The following PTCSC3 variants were observed in gnomAD, a reference collection of about 807,000 sequenced individuals.
PTCSC3 encodes the protein papillary thyroid carcinoma susceptibility candidate 3 (non-protein coding).
chr14:36,160,457 A>G (rs886511468), intron 2 of PTCSC3, among the ~76,000 whole-genome samples: 12 of 152,190 alleles, frequency 7.9e-5, no homozygotes, highest in Non-Finnish European at 1.6e-4. Flanking sequence ...GCTTGTCTGT[A>G]AAGGATTTTA....
intron 2 of PTCSC3, among the ~76,000 whole-genome samples, chr14:36,162,222 C>G (rs12888631): frequency 7.3e-6 from 1 of 137,248 alleles, no homozygotes; most frequent in African/African-American, 2.9e-5. Context: ...GTGAACAGTT[C>G]TGTCTCACTG....
At chr14:36,143,385 G>C (rs1881472755) in intron 3 of PTCSC3, among the ~76,000 whole-genome samples, 3 of 113,424 alleles carry the variant, frequency 2.6e-5, no homozygotes, top group Non-Finnish European at 3.7e-5. Context: ...TTGTGGTTTT[G>C]ATTTGCATTT....
At chr14:36,172,758 C>T (rs532209118) in intron 1 of PTCSC3, among the ~76,000 whole-genome samples, 6 of 152,172 alleles carry the variant, frequency 3.9e-5, no homozygotes, top group African/African-American at 1.4e-4. Flanking sequence ...CAGTCTCCTC[C>T]TCACTCTCCC....
intron 3 of PTCSC3, among the ~76,000 whole-genome samples, chr14:36,145,874 T>C (rs200950338): frequency 3.4e-5 from 4 of 118,216 alleles, no homozygotes; most frequent in Non-Finnish European, 7.3e-5. Flanking sequence ...TTTGTTCTCG[T>C]TGGTTTCAAA....
chr14:36,161,364 A>G (rs1368121851), intron 2 of PTCSC3, among the ~76,000 whole-genome samples: 1 of 151,966 alleles, frequency 6.6e-6, no homozygotes, highest in African/African-American at 2.4e-5. Context: ...GGATTTATCT[A>G]CCTTTGGTCT....
chr14:36,139,137 A>G (rs1414955801), intron 3 of PTCSC3, among the ~76,000 whole-genome samples: 7 of 150,062 alleles, frequency 4.7e-5, no homozygotes, highest in Non-Finnish European at 8.8e-5. Context: ...AAAAAAAAAA[A>G]AAAGAAATGC....
chr14:36,152,680 G>A (rs1367069578), intron 3 of PTCSC3, among the ~76,000 whole-genome samples: 1 of 152,094 alleles, frequency 6.6e-6, no homozygotes, highest in Non-Finnish European at 1.5e-5. Context: ...ATCACCTGAA[G>A]TTCAGGAGTT....
At chr14:36,163,699 T>A (rs960515491) in intron 1 of PTCSC3, among the ~76,000 whole-genome samples, 2 of 152,216 alleles carry the variant, frequency 1.3e-5, no homozygotes, top group African/African-American at 4.8e-5. Flanking sequence ...TATAAGGTCA[T>A]TTTAGTCCTA....
chr14:36,150,305 A>G (rs1881691970), intron 3 of PTCSC3, among the ~76,000 whole-genome samples: 2 of 152,126 alleles, frequency 1.3e-5, no homozygotes, highest in African/African-American at 4.8e-5. Context: ...TGCCTTTATA[A>G]AGAGGCCCAA....
At chr14:36,156,043 C>A (rs1881818282) in intron 2 of PTCSC3, among the ~76,000 whole-genome samples, 1 of 152,200 alleles carries the variant, frequency 6.6e-6, no homozygotes, top group African/African-American at 2.4e-5. Flanking sequence ...CCCCTCATGA[C>A]AGTACCAACT....
At chr14:36,146,725 T>C (rs1332200329) in intron 3 of PTCSC3, among the ~76,000 whole-genome samples, 5 of 152,210 alleles carry the variant, frequency 3.3e-5, no homozygotes, top group African/African-American at 4.8e-5. Context: ...CTGGTTACTT[T>C]GCTCGTTAGT....
chr14:36,156,097 T>C (rs1216962593), intron 2 of PTCSC3, among the ~76,000 whole-genome samples: 1 of 152,216 alleles, frequency 6.6e-6, no homozygotes, highest in Non-Finnish European at 1.5e-5. Flanking sequence ...AACTGGTTTT[T>C]CTAGCTTTTG....
At chr14:36,137,567 CATA>C (rs1167936447) in intron 3 of PTCSC3, among the ~76,000 whole-genome samples, 2 of 152,054 alleles carry the variant, frequency 1.3e-5, no homozygotes, top group African/African-American at 4.8e-5. Context: ...GTAGGAATAG[CATA>C]ATGAGAAATG....
chr14:36,175,331 G>A (rs11623884), intron 1 of PTCSC3, among the ~76,000 whole-genome samples: 5,622 of 152,166 alleles, frequency 0.037, 191 homozygotes, highest in Admixed American at 0.11. Context: ...GCCTGAAATC[G>A]GATGCTTCAC....
chr14:36,167,899 T>G (rs922154021), intron 1 of PTCSC3, among the ~76,000 whole-genome samples: 5 of 152,170 alleles, frequency 3.3e-5, no homozygotes, highest in Non-Finnish European at 7.3e-5. Context: ...AAGAATATGC[T>G]AACCTTGGTA....
At chr14:36,140,252 G>A (rs1881388963) in intron 3 of PTCSC3, among the ~76,000 whole-genome samples, 1 of 152,154 alleles carries the variant, frequency 6.6e-6, no homozygotes, top group African/African-American at 2.4e-5. Context: ...GGACATCTTA[G>A]TTGCTTTCCA....
chr14:36,137,013 A>G (rs1187347424), intron 3 of PTCSC3, among the ~76,000 whole-genome samples: 1 of 152,170 alleles, frequency 6.6e-6, no homozygotes, highest in Non-Finnish European at 1.5e-5. Context: ...AAGACAAGAA[A>G]GTTACATGCA....
chr14:36,175,164 C>G (rs1285416342), intron 1 of PTCSC3, among the ~76,000 whole-genome samples: 1 of 152,156 alleles, frequency 6.6e-6, no homozygotes, highest in Non-Finnish European at 1.5e-5. Flanking sequence ...GTCTGCCTCC[C>G]CAGCTCAACA....
intron 3 of PTCSC3, among the ~76,000 whole-genome samples, chr14:36,146,646 C>G (rs563581085): frequency 6.6e-6 from 1 of 152,312 alleles, no homozygotes; most frequent in East Asian, 1.9e-4. Context: ...TTAATTGGAG[C>G]ATTTAGTCCG....
Sources: gnomAD v4.1 joint callset for allele counts (sites outside exome capture counted in the v4.1 genomes callset) on GRCh38, gnomAD v4.1.1 for gene constraint, MANE v1.5 for transcripts, NCBI Gene and HGNC (gene_info 2026-07-23, HGNC 2026-07-21) for gene names.